Variants in MSRA observed in about 807,000 individuals in gnomAD.
MSRA encodes mitochondrial peptide methionine sulfoxide reductase.
In MSRA, 54 loss-of-function variants were observed where a neutral mutation model predicts 31.3. The ratio of observed to expected loss-of-function variants is 1.73; its 90% confidence interval spans 1.39 to 2.17. The LOEUF (loss-of-function observed/expected upper bound fraction) is 2.17. Among genes scored for constraint, MSRA ranks in the 30% most tolerant of loss-of-function variants. The pLI is 0.00. For missense variants in MSRA, 507 were observed against 300.9 expected (o/e 1.69, Z -5.07); for synonymous variants, 169 against 116.5 (o/e 1.45, Z -2.90).
intron 1 of MSRA, among the ~76,000 whole-genome samples, chr8:10,120,772 G>T (rs1311668826): frequency 6.6e-6 from 1 of 152,158 alleles, no homozygotes; most frequent in Non-Finnish European, 1.5e-5. Context: ...TGTTAATTGG[G>T]AAGCCTTGTT....
At chr8:10,345,258 G>C (rs748149949) in intron 5 of MSRA, among the ~76,000 whole-genome samples, 37 of 151,366 alleles carry the variant, frequency 2.4e-4, no homozygotes, top group Non-Finnish European at 4.6e-4. Context: ...GGTGTGATTT[G>C]TCGAGGCTGT....
intron 1 of MSRA, among the ~76,000 whole-genome samples, chr8:10,118,475 A>G (rs1800850623): frequency 6.6e-6 from 1 of 152,040 alleles, no homozygotes. Context: ...GGCCTGATCC[A>G]TCTCTCCCCT....
intron 1 of MSRA, among the ~76,000 whole-genome samples, chr8:10,105,742 G>A (rs892733160): frequency 6.6e-6 from 1 of 152,108 alleles, no homozygotes; most frequent in African/African-American, 2.4e-5. Flanking sequence ...ACACTGTTGG[G>A]GCAAGTGGAT....
At chr8:10,143,885 TTCTC>T (rs1211382203) in intron 1 of MSRA, among the ~76,000 whole-genome samples, 3 of 152,344 alleles carry the variant, frequency 2.0e-5, no homozygotes, top group Admixed American at 1.3e-4. Flanking sequence ...TTTTCTTTCT[TTCTC>T]ATCGATTTTG....
At chr8:10,226,937 C>T (rs1166379939) in intron 2 of MSRA, among the ~76,000 whole-genome samples, 1 of 152,120 alleles carries the variant, frequency 6.6e-6, no homozygotes, top group Non-Finnish European at 1.5e-5. Context: ...AGCTAGCAAC[C>T]ACTTGCCTTC....
chr8:10,341,670 A>G (rs1279243250), intron 5 of MSRA, among the ~76,000 whole-genome samples: 2 of 152,200 alleles, frequency 1.3e-5, no homozygotes, highest in East Asian at 3.9e-4. Context: ...CTGGATAGGT[A>G]ACTTAACCTC....
intron 5 of MSRA, among the ~76,000 whole-genome samples, chr8:10,369,056 A>C (rs1805329222): frequency 6.6e-6 from 1 of 152,216 alleles, no homozygotes; most frequent in Admixed American, 6.5e-5. Context: ...GTTAGAATCC[A>C]AGCTCAGGAT....
chr8:10,374,232 C>T (rs903889258), intron 5 of MSRA, among the ~76,000 whole-genome samples: 3 of 152,150 alleles, frequency 2.0e-5, no homozygotes, highest in African/African-American at 7.2e-5. Flanking sequence ...AGTAAACTTA[C>T]AGAATGTAAT....
At chr8:10,225,639 C>G (rs984815421) in intron 2 of MSRA, among the ~76,000 whole-genome samples, 3 of 152,192 alleles carry the variant, frequency 2.0e-5, no homozygotes, top group Admixed American at 6.5e-5. Context: ...AAGGGAACTT[C>G]TGAAAACTTC....
chr8:10,167,644 T>C (rs996685020), intron 1 of MSRA, among the ~76,000 whole-genome samples: 1 of 152,136 alleles, frequency 6.6e-6, no homozygotes, highest in Non-Finnish European at 1.5e-5. Context: ...GGGAGGAGCG[T>C]ACTTAGCATC....
intron 3 of MSRA, among the ~76,000 whole-genome samples, chr8:10,295,311 C>G (rs1481509801): frequency 6.6e-6 from 1 of 152,110 alleles, no homozygotes; most frequent in African/African-American, 2.4e-5. Context: ...GCTGGGGGAC[C>G]GTCGCACTGC....
At chr8:10,426,984 G>C (rs971288951) in intron 5 of MSRA, among the ~76,000 whole-genome samples, 33 of 151,050 alleles carry the variant, frequency 2.2e-4, no homozygotes, top group Non-Finnish European at 6.0e-5. Context: ...TGGGCCTTCT[G>C]CTGGCTCAGA....
intron 5 of MSRA, among the ~76,000 whole-genome samples, chr8:10,344,876 C>G (rs1803671933): frequency 1.3e-5 from 2 of 152,186 alleles, no homozygotes; most frequent in Non-Finnish European, 2.9e-5. Flanking sequence ...GCATAACAAA[C>G]TACCCCAATC....
intron 5 of MSRA, among the ~76,000 whole-genome samples, chr8:10,419,670 C>G (rs1563460643): frequency 6.6e-6 from 1 of 152,186 alleles, no homozygotes; most frequent in Non-Finnish European, 1.5e-5. Context: ...CTGAGTATGT[C>G]TCCTGTCATC....
At chr8:10,079,904 T>G (rs541127806) in intron 1 of MSRA, among the ~76,000 whole-genome samples, 10 of 152,240 alleles carry the variant, frequency 6.6e-5, no homozygotes, top group African/African-American at 7.2e-5. Context: ...TTGCTACTTA[T>G]GAAAAGTGCT....
chr8:10,233,372 A>G (rs1222481049), intron 2 of MSRA, among the ~76,000 whole-genome samples: 1 of 152,288 alleles, frequency 6.6e-6, no homozygotes, highest in Non-Finnish European at 1.5e-5. Flanking sequence ...GGAGGCAACA[A>G]TATGAAGAAA....
chr8:10,380,448 T>G (rs542102974), intron 5 of MSRA, among the ~76,000 whole-genome samples: 1 of 152,344 alleles, frequency 6.6e-6, no homozygotes, highest in East Asian at 1.9e-4. Flanking sequence ...AATTCACTTT[T>G]CAAATTTCTT....
At chr8:10,100,864 C>A (rs1344633015) in intron 1 of MSRA, among the ~76,000 whole-genome samples, 1 of 152,122 alleles carries the variant, frequency 6.6e-6, no homozygotes, top group East Asian at 1.9e-4. Context: ...AATTAGAATA[C>A]CCCTTATGTG....
At chr8:10,405,263 G>A (rs1021352478) in intron 5 of MSRA, among the ~76,000 whole-genome samples, 1 of 151,960 alleles carries the variant, frequency 6.6e-6, no homozygotes, top group African/African-American at 2.4e-5. Context: ...GCAGCTGCAG[G>A]ATCAGAGTAT....
Sources: allele counts gnomAD v4.1 joint callset (sites outside exome capture counted in the v4.1 genomes callset), GRCh38; gene constraint gnomAD v4.1.1; transcripts MANE v1.5; gene names NCBI Gene and HGNC (gene_info 2026-07-23, HGNC 2026-07-21).